Variants in TRDN observed in about 807,000 individuals in gnomAD.
TRDN encodes the protein triadin in skeletal muscle.
TRDN carries 161 observed loss-of-function variants against 149.7 expected under a neutral mutation model. The ratio of observed to expected loss-of-function variants is 1.08; its 90% CI spans 0.95 to 1.23. TRDN has a LOEUF of 1.23. Ranked by LOEUF, TRDN falls within the 50% of genes most tolerant of loss-of-function variation. The pLI is 0.00. For synonymous variants in TRDN, 294 were observed against 250.5 expected (o/e 1.17, Z -1.64); for missense variants, 896 against 823.5 (o/e 1.09, Z -1.08).
At chr6:123,447,455 G>A (rs890021222) in intron 10 of TRDN, among the ~76,000 whole-genome samples, 1 of 152,142 alleles carries the variant, frequency 6.6e-6, no homozygotes, top group Non-Finnish European at 1.5e-5. Context: ...CCCCATGGCT[G>A]AGTGGAGTGG....
At chr6:123,414,276 TAGAAA>T (rs1467792103) in intron 12 of TRDN, among the ~76,000 whole-genome samples, 1 of 152,134 alleles carries the variant, frequency 6.6e-6, no homozygotes, top group East Asian at 1.9e-4. Context: ...AAAAAAATTC[TAGAAA>T]CCACTGAAAT....
rs1360812709 is a variant in TRDN at position 123,238,377 on chromosome 6, T to C, written c.1975+14035A>G. Among the ~76,000 whole-genome samples, 3 of 152,192 alleles carry C rather than the reference T, an allele frequency of 2.0e-5. No homozygotes were observed. In the East Asian group the frequency reaches 5.8e-4, roughly 29 times the overall value. ...TTCCTCTCTTGTTTAGAAGGGGTTT[T>C]CAAGTAGCAATTTTATACTTTGTTA... On this transcript the variant is annotated intron_variant, in intron 38 of 40. Transcript: ENST00000334268.
At chr6:123,601,907 G>A (rs1267524794) in intron 1 of TRDN, among the ~76,000 whole-genome samples, 1 of 152,084 alleles carries the variant, frequency 6.6e-6, no homozygotes, top group African/African-American at 2.4e-5. Context: ...TTTAGAAAGA[G>A]GAAACTGAGG....
intron 1 of TRDN, among the ~76,000 whole-genome samples, chr6:123,626,901 T>A (rs1021190099): frequency 6.7e-6 from 1 of 148,858 alleles, no homozygotes; most frequent in East Asian, 1.9e-4. Flanking sequence ...AATGTTTTTT[T>A]TAATTTTTTA....
intron 33 of TRDN, among the ~76,000 whole-genome samples, chr6:123,264,819 T>C (rs1274638536): frequency 2.0e-5 from 3 of 152,096 alleles, no homozygotes; most frequent in Non-Finnish European, 4.4e-5. Flanking sequence ...TACAACTTGC[T>C]GGTTTCAGAT....
At chr6:123,406,477 T>C (rs1773194551) in intron 12 of TRDN, among the ~76,000 whole-genome samples, 1 of 152,046 alleles carries the variant, frequency 6.6e-6, no homozygotes, top group Admixed American at 6.5e-5. Flanking sequence ...CCACTTCTCT[T>C]CAAAATAATG....
intron 1 of TRDN, among the ~76,000 whole-genome samples, chr6:123,612,070 T>C (rs917789374): frequency 1.3e-5 from 2 of 151,166 alleles, no homozygotes; most frequent in Non-Finnish European, 2.9e-5. Flanking sequence ...ATAAAGACAG[T>C]GGTGATCTGC....
intron 8 of TRDN, chr6:123,503,072 G>C (rs1358625739): frequency 1.0e-6 from 1 of 985,078 alleles, no homozygotes. Flanking sequence ...TGCAAAGTGG[G>C]GATGTAAGTT....
intron 7 of TRDN, among the ~76,000 whole-genome samples, chr6:123,504,485 C>CTA (rs1231957047): frequency 1.3e-5 from 2 of 151,984 alleles, no homozygotes; most frequent in Non-Finnish European, 2.9e-5. Flanking sequence ...ACTGAAAGAC[C>CTA]TATAGTCTAA....
At chr6:123,398,403 C>T (rs1469279442) in intron 12 of TRDN, among the ~76,000 whole-genome samples, 3 of 152,158 alleles carry the variant, frequency 2.0e-5, no homozygotes, top group Non-Finnish European at 4.4e-5. Flanking sequence ...AATTCAGCAG[C>T]TAAAATTTGA....
intron 23 of TRDN, 144 bp downstream of exon 23, chr6:123,331,735 T>C (rs1479595312): frequency 1.9e-5 from 10 of 531,118 alleles, no homozygotes; most frequent in South Asian, 1.6e-4. Context: ...TGATGGAATA[T>C]AAATCTTTTT....
intron 24 of TRDN, among the ~76,000 whole-genome samples, chr6:123,306,730 T>C (rs1358436834): frequency 1.3e-5 from 2 of 152,108 alleles, no homozygotes; most frequent in Admixed American, 1.3e-4. Flanking sequence ...TCTAATCTTG[T>C]CTTTGTTCTT....
In TRDN at chr6:123,635,118, C is replaced by T. The variant is rs193077071; in HGVS notation, c.22+1636G>A. On this transcript the variant is annotated intron_variant, in intron 1 of 40. Coordinates refer to ENST00000334268, the MANE Select transcript of TRDN (RefSeq NM_006073.4). ...CAAACCCTGAACAGAGGTAGAGAAA[C>T]AGAAGATTAAGACGCTCGTAGCTAT... 7.6e-4 allele frequency among the ~76,000 whole-genome samples: 116 copies of T among 152,050 alleles called. 1 individual carries two copies. The East Asian group carries it at 0.021, about 27-fold the overall frequency.
intron 4 of TRDN, among the ~76,000 whole-genome samples, chr6:123,544,111 A>T (rs1780992235): frequency 6.6e-6 from 1 of 152,064 alleles, no homozygotes; most frequent in Admixed American, 6.6e-5. Flanking sequence ...CATCGAATGA[A>T]TGGAGCTTTA....
At chr6:123,477,715 G>A (rs965113862) in intron 9 of TRDN, among the ~76,000 whole-genome samples, 1 of 152,076 alleles carries the variant, frequency 6.6e-6, no homozygotes, top group Non-Finnish European at 1.5e-5. Context: ...ATACACCATG[G>A]AATACTATGC....
In TRDN at chr6:123,566,110, A is replaced by C. The variant is rs77023407; in HGVS notation, c.232+4813T>G. Among the ~76,000 whole-genome samples, 543 of 152,346 alleles carry C rather than the reference A, an allele frequency of 3.6e-3. 3 individuals are homozygous for C. Among genetic ancestry groups the C allele is most frequent in the African/African-American group, 0.011 (460 of 41,580 alleles). ...TTGTGTCAAACATTGACAGATAGGC[A>C]TAGTATTGTTTGAATATTATTTGGA... is the stretch of plus-strand genomic sequence containing the variant. On this transcript the variant is annotated intron_variant, in intron 2 of 40. Transcript: ENST00000334268.
rs190660592 is a variant in TRDN at position 123,424,438 on chromosome 6, A to G, written c.1051+13625T>C. ...TGCATTATGTTTTCATAGGCCCTCT[A>G]TAAACAAGAAAAAACAACTCATGCA... On this transcript the variant is annotated intron_variant, in intron 12 of 40. Transcript: ENST00000334268. Among the ~76,000 whole-genome samples, 57 of 152,138 alleles carry G rather than the reference A, an allele frequency of 3.7e-4. 1 individual carries two copies. The highest frequency in any genetic ancestry group is 7.4e-4 in the Non-Finnish European group (50 of 67,986).
intron 20 of TRDN, among the ~76,000 whole-genome samples, chr6:123,360,094 G>A (rs1236601656): frequency 6.6e-6 from 1 of 152,114 alleles, no homozygotes; most frequent in Non-Finnish European, 1.5e-5. Flanking sequence ...CGTGTGCCAT[G>A]GTGGTTTGCT....
At chr6:123,240,936 G>C in intron 38 of TRDN, among the ~76,000 whole-genome samples, 1 of 151,732 alleles carries the variant, frequency 6.6e-6, no homozygotes, top group Non-Finnish European at 1.5e-5. Flanking sequence ...GTTGAATTTG[G>C]TTATGCTAGA....
Sources: gnomAD v4.1 joint callset for allele counts (sites outside exome capture counted in the v4.1 genomes callset) on GRCh38, gnomAD v4.1.1 for gene constraint, MANE v1.5 for transcripts, NCBI Gene and HGNC (gene_info 2026-07-23, HGNC 2026-07-21) for gene names.